Variants in SPTLC2 observed in about 807,000 individuals in gnomAD.
SPTLC2 encodes the protein serine palmitoyltransferase 2.
In SPTLC2, 21 loss-of-function variants were observed where a neutral mutation model predicts 62.0. The observed-to-expected ratio is 0.34, with a 90% CI of 0.24 to 0.49. The LOEUF (loss-of-function observed/expected upper bound fraction) is 0.49, where lower values mean the gene tolerates loss of function less well. Among genes scored for constraint, SPTLC2 ranks in the 20% least tolerant of loss-of-function variants. SPTLC2 has a pLI of 0.99. For missense variants in SPTLC2, 511 were observed against 713.0 expected (o/e 0.72, Z 3.23); for synonymous variants, 261 against 261.8 (o/e 1.00, Z 0.03).
chr14:77,541,575 C>CT (rs933009352), intron 9 of SPTLC2, among the ~76,000 whole-genome samples: 1 of 152,076 alleles, frequency 6.6e-6, no homozygotes, highest in Non-Finnish European at 1.5e-5. Context: ...ATCAAATTTT[C>CT]TTTTTTAAAA....
At chr14:77,515,999 TGTGTGTGCGC>T (rs2079357028) in intron 11 of SPTLC2, among the ~76,000 whole-genome samples, 1 of 22,172 alleles carries the variant, frequency 4.5e-5, no homozygotes, top group African/African-American at 6.4e-5. Context: ...TGTGTGTGTG[TGTGTGTGCGC>T]GCGCGCGCAT....
At chr14:77,557,214 G>T in intron 6 of SPTLC2, 68 bp from the exon 7 acceptor site, 1 of 1,350,472 alleles carries the variant, frequency 7.4e-7, no homozygotes, top group Non-Finnish European at 1.0e-6. Flanking sequence ...CGGAAATGCA[G>T]AGATATATTT....
rs770589341 is a variant in SPTLC2 at position 77,576,822 on chromosome 14, G to A, written c.576C>T (p.Ala192=). 19 of 1,614,002 alleles carry A rather than the reference G, an allele frequency of 1.2e-5. No individual in the cohort carries two copies. Among genetic ancestry groups the A allele is most frequent in the African/African-American group, 6.7e-5 (5 of 74,912 alleles). Residue 192 remains alanine, a synonymous_variant, in exon 4 of 12, where the codon GCC becomes GCT. Transcript: ENST00000216484. ...CTCCATACTCCTCAAGGACTTTGGC[G>A]GCTGCTTCTTGACATGATCCAGTAT... ...ARNTGSCQEA[A]AKVLEEYGAG... is the part of the protein sequence containing the mutation.
chr14:77,540,001 A>G (rs543582302), intron 9 of SPTLC2, among the ~76,000 whole-genome samples: 1 of 151,998 alleles, frequency 6.6e-6, no homozygotes, highest in Non-Finnish European at 1.5e-5. Flanking sequence ...GTTCTAGACC[A>G]GCCTGACCAA....
chr14:77,546,993 G>C (rs981021178), intron 9 of SPTLC2, among the ~76,000 whole-genome samples: 1 of 150,068 alleles, frequency 6.7e-6, no homozygotes, highest in South Asian at 2.1e-4. Context: ...GCCTCCCAAA[G>C]TGCTGGGATT....
At chr14:77,546,571 G>A (rs1007795342) in intron 9 of SPTLC2, among the ~76,000 whole-genome samples, 1 of 152,052 alleles carries the variant, frequency 6.6e-6, no homozygotes, top group African/African-American at 2.4e-5. Flanking sequence ...GAATTTATCT[G>A]TGCCTCTGAG....
intron 11 of SPTLC2, among the ~76,000 whole-genome samples, chr14:77,515,334 T>C (rs1017717905): frequency 9.2e-5 from 14 of 152,280 alleles, no homozygotes; most frequent in African/African-American, 2.6e-4. Context: ...TCCCAGTCCA[T>C]TTTTTTCTGA....
intron 9 of SPTLC2, among the ~76,000 whole-genome samples, chr14:77,550,957 A>G (rs958295363): frequency 2.0e-5 from 3 of 151,912 alleles, no homozygotes; most frequent in African/African-American, 7.2e-5. Context: ...GTCTTAAACC[A>G]ACCAAAATCA....
chr14:77,614,525 G>A (rs573360107), intron 1 of SPTLC2, among the ~76,000 whole-genome samples: 5 of 152,190 alleles, frequency 3.3e-5, no homozygotes, highest in African/African-American at 7.2e-5. Flanking sequence ...TTAGCCGGGC[G>A]TGGTGGCGGG....
At chr14:77,553,187 A>C (rs1028098716) in intron 8 of SPTLC2, among the ~76,000 whole-genome samples, 2 of 152,230 alleles carry the variant, frequency 1.3e-5, no homozygotes, top group Non-Finnish European at 2.9e-5. Flanking sequence ...CCAAATCTTT[A>C]AAATGCACAC....
chr14:77,571,560 T>C (rs890900697), intron 4 of SPTLC2, among the ~76,000 whole-genome samples: 12 of 151,816 alleles, frequency 7.9e-5, no homozygotes, highest in East Asian at 7.7e-4. Flanking sequence ...ACTGGTAAAT[T>C]TGTACCGCAA....
intron 9 of SPTLC2, among the ~76,000 whole-genome samples, chr14:77,538,258 T>C (rs2079481146): frequency 6.6e-6 from 1 of 152,170 alleles, no homozygotes; most frequent in South Asian, 2.1e-4. Flanking sequence ...GTGAGGCAAA[T>C]TACCTTTGCA....
chr14:77,512,778 C>T (rs1276258410), intron 11 of SPTLC2, among the ~76,000 whole-genome samples: 1 of 152,070 alleles, frequency 6.6e-6, no homozygotes, highest in East Asian at 1.9e-4. Flanking sequence ...TGCTGTGGCG[C>T]CCTCCGAGCT....
chr14:77,580,550 AAAAG>A (rs1472427854), intron 2 of SPTLC2, among the ~76,000 whole-genome samples: 79 of 59,620 alleles, frequency 1.3e-3, no homozygotes, highest in African/African-American at 2.7e-3. Context: ...AATTTTTTAA[AAAAG>A]AAAAAAAAAA....
In SPTLC2 at chr14:77,597,378, G is replaced by A; in HGVS notation, c.135C>T (p.Ile45=). 1 of 1,613,118 alleles carries A rather than the reference G, an allele frequency of 6.2e-7. No individual in the cohort carries two copies. The highest frequency in any genetic ancestry group is 2.2e-5 in the East Asian group (1 of 44,878). The change falls in exon 2 of 12, where the codon ATC becomes ATT. Residue 45 remains isoleucine (I), a splice_region_variant and synonymous_variant. Coordinates refer to ENST00000216484, the MANE Select transcript of SPTLC2 (RefSeq NM_004863.4). ...GTCCTCCATTTTGTGTAACATGATG[G>A]ATCTAAAAGAGAGGTTAAAAATGTT... The part of the protein sequence containing the change: ...AAAAAAAAGQ[I]HHVTQNGGLY...
chr14:77,573,661 C>T (rs1288109992), intron 4 of SPTLC2, among the ~76,000 whole-genome samples: 1 of 152,168 alleles, frequency 6.6e-6, no homozygotes, highest in African/African-American at 2.4e-5. Flanking sequence ...CAGAGTCTCA[C>T]TCTGTTGCCC....
chr14:77,596,354 T>C (rs7147206), intron 2 of SPTLC2, among the ~76,000 whole-genome samples: 3,543 of 139,378 alleles, frequency 0.025, 137 homozygotes, highest in African/African-American at 0.092. Flanking sequence ...AAAAAAAAAA[T>C]TAGCCGGGCG....
Position 77,555,306 on chromosome 14 carries a change from G to C in SPTLC2, c.1170C>G (p.Gly390=), listed in dbSNP as rs778039932. 2 of 1,612,830 alleles carry C rather than the reference G, an allele frequency of 1.2e-6. No individual in the cohort carries two copies. Among genetic ancestry groups the C allele is most frequent in the Non-Finnish European group, 1.7e-6 (2 of 1,179,846 alleles). ...ATTCTCATGGCTCGTTTACCTTCTT[G>C]CCTCCAATATATCCTCCAGAAGCAC... ...SFGASGGYIG[G]KKELIDYLRT... is the part of the protein sequence containing the mutation. The change falls in exon 8 of 12, where the codon GGC becomes GGG. Residue 390 remains glycine, a synonymous_variant. Coordinates refer to ENST00000216484, the MANE Select transcript of SPTLC2 (RefSeq NM_004863.4).
intron 9 of SPTLC2, among the ~76,000 whole-genome samples, chr14:77,530,316 T>TA (rs34614752): frequency 0.12 from 17,415 of 148,676 alleles, 1,148 homozygotes; most frequent in Middle Eastern, 0.25. Flanking sequence ...GGATCTTTTT[T>TA]AAAAAAAAAA....
Sources: gnomAD v4.1 joint callset for allele counts (sites outside exome capture counted in the v4.1 genomes callset) on GRCh38, gnomAD v4.1.1 for gene constraint, MANE v1.5 for transcripts, NCBI Gene and HGNC (gene_info 2026-07-23, HGNC 2026-07-21) for gene names.